Variants in EXOC3L2 observed in about 807,000 individuals in gnomAD.
EXOC3L2 encodes exocyst complex component 3 like 2.
Under a neutral mutation model 44.4 loss-of-function variants are expected in EXOC3L2, and 17 were observed. That is an observed-to-expected ratio of 0.38 (90% CI 0.26 to 0.57). The LOEUF (loss-of-function observed/expected upper bound fraction) is 0.57. Among genes scored for constraint, EXOC3L2 ranks in the 20% least tolerant of loss-of-function variants. EXOC3L2 has a pLI of 0.65. For missense variants in EXOC3L2, 541 were observed against 588.4 expected (o/e 0.92, Z 0.83); for synonymous variants, 256 against 253.7 (o/e 1.01, Z -0.09).
chr19:45,216,532 C>T (rs10415392), intron 10 of EXOC3L2: 30,866 of 175,126 alleles, frequency 0.18, 3,860 homozygotes, highest in African/African-American at 0.38. Flanking sequence ...TGAGCGGAGA[C>T]TGCACCACTG....
chr19:45,213,163 C>T lies in EXOC3L2; in HGVS notation c.2315G>A (p.Gly772Asp), dbSNP rs1283048622. 1 of 1,594,616 alleles carries T rather than the reference C, an allele frequency of 6.3e-7. No homozygotes were observed. The highest frequency in any genetic ancestry group is 1.8e-5 in the Admixed American group (1 of 56,042). Reference sequence around the variant, plus strand: ...GGCCAGCCGGGAGAGGGGGAGGCGGCCCAGGAAGAGAGGGAGGCTGAGACA... The same window carrying T: ...GGCCAGCCGGGAGAGGGGGAGGCGGTCCAGGAAGAGAGGGAGGCTGAGACA... Reference protein sequence around the residue: ...SFCLSLPLFLGRLPLSRLARP... With the variant: ...SFCLSLPLFLDRLPLSRLARP... Residue 772 changes from glycine (G) to aspartate (D), a missense_variant, in exon 12 of 12, where the codon GGC becomes GAC. Transcript: ENST00000413988.
intron 11 of EXOC3L2, 67 bp downstream of exon 11, chr19:45,216,006 G>C (rs919763172): frequency 2.3e-5 from 36 of 1,592,526 alleles, no homozygotes; most frequent in Non-Finnish European, 3.1e-5. Flanking sequence ...GCACAGGGAC[G>C]GATGCCAAGG....
chr19:45,225,292 G>C (rs902208863), intron 7 of EXOC3L2, among the ~76,000 whole-genome samples: 11 of 149,678 alleles, frequency 7.3e-5, no homozygotes, highest in Non-Finnish European at 1.2e-4. Flanking sequence ...TTTTTGAGAC[G>C]GAGTCTCGCT....
chr19:45,228,389 G>A, intron 4 of EXOC3L2, 123 bp from the exon 5 acceptor site: 1 of 805,694 alleles, frequency 1.2e-6, no homozygotes, highest in Non-Finnish European at 1.9e-6. Context: ...TTCTACCTAT[G>A]AGCTTGTCAA....
chr19:45,232,876 G>A (rs192803988), intron 3 of EXOC3L2, among the ~76,000 whole-genome samples: 1 of 151,890 alleles, frequency 6.6e-6, no homozygotes, highest in African/African-American at 2.4e-5. Flanking sequence ...TCAGGAGTTC[G>A]ACACCAGCCT....
chr19:45,232,402 C>T (rs1314628276), intron 3 of EXOC3L2, among the ~76,000 whole-genome samples: 2 of 152,166 alleles, frequency 1.3e-5, no homozygotes, highest in South Asian at 2.1e-4. Context: ...GGAAGCTTTC[C>T]GGACTCCCTA....
At chr19:45,241,915 A>C (rs996640740) in intron 1 of EXOC3L2, among the ~76,000 whole-genome samples, 7 of 152,222 alleles carry the variant, frequency 4.6e-5, no homozygotes, top group Non-Finnish European at 1.0e-4. Context: ...TGTCTCAGTC[A>C]CCACTGTGTC....
At chr19:45,236,593 G>A (rs1453048566) in intron 2 of EXOC3L2, among the ~76,000 whole-genome samples, 1 of 151,912 alleles carries the variant, frequency 6.6e-6, no homozygotes, top group African/African-American at 2.4e-5. Context: ...TTTAGGACTG[G>A]GACTCAGGAT....
intron 4 of EXOC3L2, among the ~76,000 whole-genome samples, chr19:45,229,090 TAATA>T (rs1159388048): frequency 6.6e-6 from 1 of 151,062 alleles, no homozygotes; most frequent in African/African-American, 2.4e-5. Flanking sequence ...AATTAAAAAA[TAATA>T]AATAAATAGA....
At chr19:45,220,901 G>C (rs1476923164) in intron 8 of EXOC3L2, among the ~76,000 whole-genome samples, 4 of 151,960 alleles carry the variant, frequency 2.6e-5, no homozygotes, top group African/African-American at 4.8e-5. Context: ...TGAGGAAGGG[G>C]AAGAGGAGAA....
At chr19:45,218,982 T>C (rs1969868754) in intron 8 of EXOC3L2, among the ~76,000 whole-genome samples, 1 of 152,044 alleles carries the variant, frequency 6.6e-6, no homozygotes, top group Non-Finnish European at 1.5e-5. Flanking sequence ...CTCACGCCTG[T>C]AATCCTAGCA....
chr19:45,242,882 A>AT (rs1970141583), intron 1 of EXOC3L2, among the ~76,000 whole-genome samples: 3 of 141,780 alleles, frequency 2.1e-5, no homozygotes, highest in Non-Finnish European at 4.8e-5. Context: ...AAAAAAAAAA[A>AT]GAATTACAAA....
At position 45,238,884 on chromosome 19, in the gene EXOC3L2, G is replaced by T. The variant is rs1970107077; in HGVS notation, c.162C>A (p.Arg54=). 1 of 399,218 alleles carries T rather than the reference G, an allele frequency of 2.5e-6. No individual in the cohort carries two copies. The highest frequency in any genetic ancestry group is 4.4e-6 in the Non-Finnish European group (1 of 226,194). The allele number at this position is 399,218 out of a possible 1,614,324, so 24.7% of individuals were successfully genotyped here. Residue 54 remains arginine (R), a synonymous_variant, in exon 2 of 12, where the codon CGC becomes CGA. Coordinates refer to ENST00000413988, the MANE Select transcript of EXOC3L2 (RefSeq NM_001382422.1). This position sits in a 1 kb window ranked among gnomAD's most constrained non-coding sequence, Gnocchi z 5.5. ...GSLPNGTSCR[R]RATLEKLAGL... is the part of the protein sequence containing the mutation. ...CCGCAAGCTTCTCCAGGGTGGCGCG[G>T]CGGCGACAAGATGTTCCATTGGGGA...
chr19:45,239,684 C>T (rs1277700523), intron 1 of EXOC3L2, among the ~76,000 whole-genome samples: 2 of 151,972 alleles, frequency 1.3e-5, no homozygotes, highest in East Asian at 3.9e-4. Flanking sequence ...CCACACAAGG[C>T]TAAGTTTTAT....
intron 3 of EXOC3L2, among the ~76,000 whole-genome samples, chr19:45,233,019 C>G (rs533094512): frequency 6.6e-6 from 1 of 152,130 alleles, no homozygotes; most frequent in African/African-American, 2.4e-5. Context: ...AGTTCAAGAC[C>G]AGCCTGGCCA....
At chr19:45,224,688 G>A (rs1969935834) in intron 8 of EXOC3L2, 90 bp downstream of exon 8, 1 of 1,457,558 alleles carries the variant, frequency 6.9e-7, no homozygotes, top group South Asian at 1.4e-5. Flanking sequence ...CAAACACTGA[G>A]CCATGGGCTA....
At chr19:45,219,413 A>G (rs1016170230) in intron 8 of EXOC3L2, among the ~76,000 whole-genome samples, 31 of 150,666 alleles carry the variant, frequency 2.1e-4, no homozygotes, top group African/African-American at 5.9e-4. Flanking sequence ...AAAAAAAAAA[A>G]AGAGAAAAAG....
At chr19:45,218,104 AAC>A in intron 9 of EXOC3L2, 91 bp downstream of exon 9, 2 of 1,382,974 alleles carry the variant, frequency 1.4e-6, no homozygotes, top group Non-Finnish European at 1.9e-6. Flanking sequence ...TGGCTCTCCC[AAC>A]CTCCCAATCT....
chr19:45,244,851 A>T (rs1970157174), intron 1 of EXOC3L2, among the ~76,000 whole-genome samples: 1 of 151,828 alleles, frequency 6.6e-6, no homozygotes, highest in East Asian at 1.9e-4. Context: ...CAATCCTGTC[A>T]TCAGCCCAGA....
Sources: allele counts gnomAD v4.1 joint callset (sites outside exome capture counted in the v4.1 genomes callset), GRCh38; gene constraint gnomAD v4.1.1; non-coding constraint Gnocchi (gnomAD v3.1); transcripts MANE v1.5; gene names NCBI Gene and HGNC (gene_info 2026-07-23, HGNC 2026-07-21).